SCRG1: variants seen among roughly 807,000 people sequenced by gnomAD.
The protein encoded by SCRG1 is scrapie-responsive protein 1.
In SCRG1, 3 loss-of-function variants were observed where a neutral mutation model predicts 7.7. That is an observed-to-expected ratio of 0.39 (90% CI 0.18 to 1.01). The LOEUF (loss-of-function observed/expected upper bound fraction) is 1.01. Ranked by LOEUF, SCRG1 falls within the 50% of genes least tolerant of loss-of-function variation. The pLI is 0.36. For missense variants in SCRG1, 110 were observed against 117.2 expected (o/e 0.94, Z 0.28); for synonymous variants, 46 against 41.2 (o/e 1.12, Z -0.44).
At chr4:173,517,989 T>C in the SCRG1 span, among the ~76,000 whole-genome samples, 2 of 152,242 alleles carry the variant, frequency 1.3e-5, no homozygotes, top group African/African-American at 4.8e-5. Context: ...AGAGGCTCTT[T>C]TGTAAGCTTA....
chr4:173,445,775 C>A, the SCRG1 span, among the ~76,000 whole-genome samples: 1 of 150,980 alleles, frequency 6.6e-6, no homozygotes, highest in Non-Finnish European at 1.5e-5. Flanking sequence ...AAGCGATTCT[C>A]CTGTCTCAGC....
At chr4:173,441,481 G>A in the SCRG1 span, among the ~76,000 whole-genome samples, 1 of 152,110 alleles carries the variant, frequency 6.6e-6, no homozygotes, top group Non-Finnish European at 1.5e-5. Flanking sequence ...GATTCTAACT[G>A]TGAACATGGA....
chr4:173,484,094 CAT>C, the SCRG1 span, among the ~76,000 whole-genome samples: 7 of 42,794 alleles, frequency 1.6e-4, no homozygotes, highest in Admixed American at 8.0e-4. Context: ...TATAATATAC[CAT>C]ATATAATATA....
upstream of SCRG1, among the ~76,000 whole-genome samples, chr4:173,402,074 A>T (rs184658647): frequency 1.5e-3 from 229 of 152,172 alleles, 1 homozygote; most frequent in Non-Finnish European, 2.5e-3. Flanking sequence ...CTCTTATCGA[A>T]CCCGCTTTAT....
rs1015078428 is a variant in SCRG1 at position 173,388,331 on chromosome 4, A to G, written c.*10T>C. On this transcript the variant is annotated 3_prime_UTR_variant, in exon 3 of 3. Coordinates refer to ENST00000296506, the MANE Select transcript of SCRG1 (RefSeq NM_007281.4). ...TCAGGAATGGTGTTCTCCAGAATAC[A>G]TGAAGATTCTCATTGATTGTTGCAA... is the stretch of plus-strand genomic sequence containing the variant. 2.5e-6 allele frequency: 4 copies of G among 1,605,694 alleles called. No individual in the cohort carries two copies. The highest frequency in any genetic ancestry group is 1.7e-5 in the Admixed American group (1 of 59,716).
chr4:173,422,593 A>G, the SCRG1 span, among the ~76,000 whole-genome samples: 1 of 152,196 alleles, frequency 6.6e-6, no homozygotes, highest in East Asian at 1.9e-4. Flanking sequence ...TAGATGTGAA[A>G]AAGTCAAAAG....
the SCRG1 span, among the ~76,000 whole-genome samples, chr4:173,452,378 G>A: frequency 2.0e-5 from 3 of 152,298 alleles, no homozygotes; most frequent in Non-Finnish European, 4.4e-5. Context: ...GAGGATGGGA[G>A]GGGTTGGTCT....
At chr4:173,447,861 T>C in the SCRG1 span, among the ~76,000 whole-genome samples, 1 of 152,140 alleles carries the variant, frequency 6.6e-6, no homozygotes, top group Non-Finnish European at 1.5e-5. Flanking sequence ...TCCTAGCACT[T>C]TGGGAGGCCG....
At chr4:173,445,012 T>C in the SCRG1 span, among the ~76,000 whole-genome samples, 1 of 152,184 alleles carries the variant, frequency 6.6e-6, no homozygotes, top group Admixed American at 6.5e-5. Flanking sequence ...CAAAATGATA[T>C]AAGTTGAGTT....
At chr4:173,417,974 T>C in the SCRG1 span, among the ~76,000 whole-genome samples, 2 of 152,216 alleles carry the variant, frequency 1.3e-5, no homozygotes, top group East Asian at 3.9e-4. Context: ...AAAACAAATA[T>C]TTACTTCTTG....
chr4:173,473,733 G>C, the SCRG1 span, among the ~76,000 whole-genome samples: 1 of 152,198 alleles, frequency 6.6e-6, no homozygotes, highest in Non-Finnish European at 1.5e-5. Flanking sequence ...TAAGGCCGTG[G>C]GGGGTTGCAG....
the SCRG1 span, among the ~76,000 whole-genome samples, chr4:173,489,714 A>G: frequency 2.0e-5 from 3 of 152,228 alleles, no homozygotes; most frequent in Admixed American, 6.5e-5. Flanking sequence ...GTCAAACTAG[A>G]TTTAGATAAA....
upstream of SCRG1, among the ~76,000 whole-genome samples, chr4:173,401,199 C>T (rs1340022339): frequency 6.6e-6 from 1 of 152,172 alleles, no homozygotes; most frequent in Non-Finnish European, 1.5e-5. Flanking sequence ...GCATGGACCT[C>T]AGGAAGGGAG....
At chr4:173,484,788 A>ATACATATTATATATTATATACATGTAT in the SCRG1 span, among the ~76,000 whole-genome samples, 1 of 94,446 alleles carries the variant, frequency 1.1e-5, no homozygotes, top group African/African-American at 4.5e-5. Context: ...TATACATGTA[A>ATACATATTATATATTATATACATGTAT]TACATATTAT....
the SCRG1 span, among the ~76,000 whole-genome samples, chr4:173,431,286 C>T: frequency 2.5e-4 from 38 of 152,200 alleles, no homozygotes; most frequent in East Asian, 5.6e-3. Flanking sequence ...GGGCAGGGCT[C>T]CTGGCCTTTG....
chr4:173,473,449 G>A, the SCRG1 span, among the ~76,000 whole-genome samples: 5 of 152,196 alleles, frequency 3.3e-5, no homozygotes, highest in Non-Finnish European at 5.9e-5. Context: ...TAGGCGATGT[G>A]AGAGAAGTTT....
At chr4:173,425,548 G>A in the SCRG1 span, among the ~76,000 whole-genome samples, 1 of 152,236 alleles carries the variant, frequency 6.6e-6, no homozygotes, top group Admixed American at 6.5e-5. Context: ...GGGCAGGTAT[G>A]ATGGACTACT....
the SCRG1 span, among the ~76,000 whole-genome samples, chr4:173,447,002 T>C: frequency 6.6e-6 from 1 of 152,188 alleles, no homozygotes; most frequent in Non-Finnish European, 1.5e-5. Context: ...CAAGTGAAAA[T>C]ATGAATTTTA....
At chr4:173,466,827 G>A in the SCRG1 span, among the ~76,000 whole-genome samples, 35 of 152,220 alleles carry the variant, frequency 2.3e-4, no homozygotes, top group African/African-American at 8.2e-4. Flanking sequence ...TTTTTAAAAT[G>A]TAAAATTTTG....
Sources: gnomAD v4.1 joint callset for allele counts (sites outside exome capture counted in the v4.1 genomes callset) on GRCh38, gnomAD v4.1.1 for gene constraint, MANE v1.5 for transcripts, NCBI Gene and HGNC (gene_info 2026-07-23, HGNC 2026-07-21) for gene names.